RNF150: variants seen among roughly 807,000 people sequenced by gnomAD.
RNF150 encodes the protein ring finger protein 150.
RNF150 carries 24 observed loss-of-function variants against 39.3 expected under a neutral mutation model. The ratio of observed to expected loss-of-function variants is 0.61; its 90% CI spans 0.44 to 0.86. The LOEUF is 0.86. Ranked by LOEUF, RNF150 falls within the 40% of genes least tolerant of loss-of-function variation. RNF150 has a pLI of 0.00. For missense variants in RNF150, 502 were observed against 587.8 expected (o/e 0.85, Z 1.51); for synonymous variants, 255 against 227.3 (o/e 1.12, Z -1.10).
At chr4:140,938,116 T>TA (rs1560977123) in intron 4 of RNF150, among the ~76,000 whole-genome samples, 1 of 152,202 alleles carries the variant, frequency 6.6e-6, no homozygotes, top group Non-Finnish European at 1.5e-5. Context: ...CATTTTTTTT[T>TA]ACTCATAAAG....
At chr4:141,210,486 C>CTTT (rs35272487) in intron 1 of RNF150, among the ~76,000 whole-genome samples, 44 of 143,904 alleles carry the variant, frequency 3.1e-4, no homozygotes, top group South Asian at 2.8e-3. Flanking sequence ...GCAGTTTCAG[C>CTTT]TTTTTTTTTT....
intron 1 of RNF150, among the ~76,000 whole-genome samples, chr4:141,078,636 A>G (rs931178028): frequency 7.9e-5 from 12 of 151,248 alleles, no homozygotes; most frequent in Non-Finnish European, 1.0e-4. Flanking sequence ...AAACAAAAAA[A>G]AAAATTAGCC....
At chr4:140,913,155 G>A (rs953667220) in intron 5 of RNF150, among the ~76,000 whole-genome samples, 1 of 152,130 alleles carries the variant, frequency 6.6e-6, no homozygotes, top group Non-Finnish European at 1.5e-5. Context: ...CAGCTACTGG[G>A]GAGACTGAGG....
At chr4:141,135,630 A>C (rs1176791324), upstream of RNF150, among the ~76,000 whole-genome samples, 1 of 152,246 alleles carries the variant, frequency 6.6e-6, no homozygotes, top group East Asian at 1.9e-4. Context: ...TATGGTAGAA[A>C]TACCTACTGA....
At chr4:141,163,743 G>T (rs543889831) in intron 1 of RNF150, among the ~76,000 whole-genome samples, 1 of 152,282 alleles carries the variant, frequency 6.6e-6, no homozygotes, top group South Asian at 2.1e-4. Flanking sequence ...CTAACAAAGA[G>T]AAAACAATAG....
intron 1 of RNF150, among the ~76,000 whole-genome samples, chr4:141,070,216 A>G (rs1333714097): frequency 1.3e-5 from 2 of 152,238 alleles, no homozygotes; most frequent in Non-Finnish European, 2.9e-5. Context: ...CTTACACCTT[A>G]TACAAAAATC....
chr4:141,174,752 C>T (rs1727780942), intron 1 of RNF150, among the ~76,000 whole-genome samples: 2 of 152,070 alleles, frequency 1.3e-5, no homozygotes, highest in African/African-American at 4.8e-5. Flanking sequence ...CAAAGTCTCA[C>T]TCAAGAGAGG....
chr4:140,999,902 CACTCCA>C (rs1429543621), intron 1 of RNF150, among the ~76,000 whole-genome samples: 1 of 145,736 alleles, frequency 6.9e-6, no homozygotes, highest in Non-Finnish European at 1.5e-5. Flanking sequence ...CACGCCACTG[CACTCCA>C]GCCTGGGTAA....
intron 6 of RNF150, among the ~76,000 whole-genome samples, chr4:140,878,536 G>T (rs1381774822): frequency 5.3e-5 from 8 of 152,038 alleles, no homozygotes; most frequent in African/African-American, 1.9e-4. Context: ...TTTTATGCTT[G>T]TTGGCCATTT....
rs757204196 is a variant in RNF150, at chr4:140,911,370, A to C, written c.988-16T>G. On this transcript the variant is annotated splice_polypyrimidine_tract_variant and intron_variant, in intron 5 of 6. Transcript: ENST00000515673. Reference sequence around the variant, plus strand: ...CGGCATTGGGCTGATGGGGCAGAAAAAGATCTGTTCTCAGTACATGTCATC... The same window carrying C: ...CGGCATTGGGCTGATGGGGCAGAAACAGATCTGTTCTCAGTACATGTCATC... 1.2e-6 allele frequency: 2 copies of C among 1,610,520 alleles called. No homozygotes were observed. The highest frequency in any genetic ancestry group is 1.7e-6 in the Non-Finnish European group (2 of 1,177,086).
chr4:141,086,065 CACA>C (rs1560730845), intron 1 of RNF150, among the ~76,000 whole-genome samples: 40 of 148,212 alleles, frequency 2.7e-4, no homozygotes, highest in Admixed American at 9.4e-4. Context: ...CACACACACA[CACA>C]CCCTTCTAGG....
chr4:140,933,087 A>G (rs917291353), intron 4 of RNF150, among the ~76,000 whole-genome samples: 22 of 152,222 alleles, frequency 1.4e-4, no homozygotes, highest in Non-Finnish European at 2.6e-4. Context: ...GTGCTTCATT[A>G]GTAAGTGTTC....
chr4:140,876,570 A>G (rs4956488), intron 6 of RNF150, among the ~76,000 whole-genome samples: 22,149 of 152,200 alleles, frequency 0.15, 1,901 homozygotes, highest in East Asian at 0.38. Flanking sequence ...TAGCTAGGAT[A>G]GACTGGCTCC....
chr4:140,898,092 C>A (rs890759264), intron 6 of RNF150, among the ~76,000 whole-genome samples: 1 of 152,176 alleles, frequency 6.6e-6, no homozygotes, highest in African/African-American at 2.4e-5. Context: ...AAGAGACCTA[C>A]TACCACTCAG....
chr4:141,154,555 C>A (rs1369956614), intron 1 of RNF150, among the ~76,000 whole-genome samples: 1 of 152,100 alleles, frequency 6.6e-6, no homozygotes, highest in African/African-American at 2.4e-5. Context: ...AAGTGGAGGC[C>A]AATTTCTCTG....
chr4:141,094,617 C>CA (rs1362857203), intron 1 of RNF150, among the ~76,000 whole-genome samples: 12 of 152,218 alleles, frequency 7.9e-5, no homozygotes, highest in African/African-American at 2.2e-4. Flanking sequence ...TGGGGCTGTA[C>CA]AAAAACAGGC....
chr4:141,110,945 A>T (rs1041671149), intron 1 of RNF150, among the ~76,000 whole-genome samples: 1 of 152,170 alleles, frequency 6.6e-6, no homozygotes, highest in Non-Finnish European at 1.5e-5. Context: ...CTAAAAAGCT[A>T]ATCAGTGATT....
At chr4:141,071,789 G>A (rs1264221540) in intron 1 of RNF150, among the ~76,000 whole-genome samples, 3 of 152,112 alleles carry the variant, frequency 2.0e-5, no homozygotes, top group East Asian at 1.9e-4. Context: ...TATTCCTTCA[G>A]AATAAAGGTA....
At chr4:141,202,789 C>G (rs1021835239) in intron 1 of RNF150, among the ~76,000 whole-genome samples, 2 of 151,208 alleles carry the variant, frequency 1.3e-5, no homozygotes, top group African/African-American at 4.9e-5. Flanking sequence ...TATATAGAGA[C>G]AAAAAAATTT....
Sources: gnomAD v4.1 joint callset for allele counts (sites outside exome capture counted in the v4.1 genomes callset) on GRCh38, gnomAD v4.1.1 for gene constraint, MANE v1.5 for transcripts, NCBI Gene and HGNC (gene_info 2026-07-23, HGNC 2026-07-21) for gene names.